TDRD9: variants seen among roughly 807,000 people sequenced by gnomAD.
TDRD9 encodes the protein tudor domain containing 9, also known as ATP-dependent RNA helicase TDRD9.
Under a neutral mutation model 172.6 loss-of-function variants are expected in TDRD9, and 124 were observed. The ratio of observed to expected loss-of-function variants is 0.72; its 90% CI spans 0.62 to 0.83. The LOEUF (loss-of-function observed/expected upper bound fraction) is 0.83, where lower values mean the gene tolerates loss of function less well. TDRD9 is among the 40% of genes least tolerant of loss of function. TDRD9 has a pLI of 0.00. For synonymous variants in TDRD9, 619 were observed against 617.1 expected (o/e 1.00, Z -0.05); for missense variants, 1,479 against 1,714.1 (o/e 0.86, Z 2.42).
intron 7 of TDRD9, among the ~76,000 whole-genome samples, chr14:103,977,923 C>T (rs999349918): frequency 1.3e-5 from 2 of 152,110 alleles, no homozygotes; most frequent in Non-Finnish European, 2.9e-5. Flanking sequence ...ATTGAAGAGA[C>T]TGTTCTTTCT....
At position 103,980,151 on chromosome 14, in the gene TDRD9, G is replaced by A. The variant is rs145487235; in HGVS notation, c.1011+4598G>A. On this transcript the variant is annotated intron_variant, in intron 7 of 35. Coordinates refer to ENST00000409874, the MANE Select transcript of TDRD9 (RefSeq NM_153046.3). The surrounding 1 kb of genome is among the most constrained non-coding windows in gnomAD (Gnocchi z 4.5). The stretch of plus-strand genomic sequence containing the variant: ...ACAGGGTCGGTGGGTTTTTCTCCCC[G>A]TGTGCAGAGATGAGAGATTGTAGAA... Among the ~76,000 whole-genome samples the A allele has an allele frequency of 0.01, 1,584 of 152,162 alleles. 10 individuals carry two copies. The highest frequency in any genetic ancestry group is 0.017 in the Middle Eastern group (5 of 294).
chr14:103,977,157 A>G (rs2033277777), intron 7 of TDRD9, among the ~76,000 whole-genome samples: 1 of 152,134 alleles, frequency 6.6e-6, no homozygotes, highest in African/African-American at 2.4e-5. Flanking sequence ...CCTTCTGTTT[A>G]GAAAAGTCTT....
intron 6 of TDRD9, among the ~76,000 whole-genome samples, chr14:103,974,358 C>A (rs2033152530): frequency 6.6e-6 from 1 of 152,194 alleles, no homozygotes; most frequent in Non-Finnish European, 1.5e-5. Flanking sequence ...TAATCAGCCA[C>A]TTTCTCCTGG....
chr14:104,030,217 G>T (rs1291662337), intron 28 of TDRD9, among the ~76,000 whole-genome samples: 1 of 152,220 alleles, frequency 6.6e-6, no homozygotes, highest in East Asian at 1.9e-4. Context: ...TGTAGACCAG[G>T]TGCAGTGGCT....
Position 103,991,230 on chromosome 14 carries a change from A to G in TDRD9, c.1180+6A>G. Reference sequence around the variant, plus strand: ...TGTGTTGGTGTTTTTGCCAGGTAAGAACATCATAATTTTGTGACTTGGAAT... The same window carrying G: ...TGTGTTGGTGTTTTTGCCAGGTAAGGACATCATAATTTTGTGACTTGGAAT... On this transcript the variant is annotated splice_donor_region_variant and intron_variant, in intron 9 of 35. Transcript: ENST00000409874. The G allele has an allele frequency of 6.2e-7, 1 of 1,613,958 alleles. No individual in the cohort carries two copies. The highest frequency in any genetic ancestry group is 8.5e-7 in the Non-Finnish European group (1 of 1,179,876).
chr14:104,003,373 T>G (rs760732364), intron 13 of TDRD9, among the ~76,000 whole-genome samples: 1 of 152,174 alleles, frequency 6.6e-6, no homozygotes, highest in African/African-American at 2.4e-5. Context: ...AGATAAAAAA[T>G]TTTAATAGTA....
chr14:103,951,143 A>G (rs956250677), intron 1 of TDRD9, among the ~76,000 whole-genome samples: 2 of 152,230 alleles, frequency 1.3e-5, no homozygotes, highest in Non-Finnish European at 2.9e-5. Flanking sequence ...AAACCAACAA[A>G]AAAAATCCAT....
chr14:103,952,408 A>AT (rs2031976222), intron 1 of TDRD9, among the ~76,000 whole-genome samples: 1 of 144,042 alleles, frequency 6.9e-6, no homozygotes, highest in African/African-American at 2.6e-5. Context: ...CCCCTGGCTA[A>AT]TTTTTTGTAT....
chr14:103,942,933 A>G (rs781311168), intron 1 of TDRD9, among the ~76,000 whole-genome samples: 15 of 149,980 alleles, frequency 1.0e-4, no homozygotes, highest in Non-Finnish European at 1.8e-4. Context: ...AATCTCTGAA[A>G]ATATGGTAAT....
Position 104,004,274 on chromosome 14 carries a change from G to T in TDRD9, c.1520G>T (p.Arg507Leu). Residue 507 changes from arginine (R) to leucine (L), a missense_variant, in exon 14 of 36, where the codon CGG (arginine) becomes CTG (leucine). By Grantham distance (102) the Arg-to-Leu change is moderately radical (BLOSUM62 -2). Transcript: ENST00000409874. The stretch of plus-strand genomic sequence containing the variant: ...CGAGTGTCTAGAGGGTACTGTTACC[G>T]GCTGGTACACAAGGATTTCTGGGAC... ...AGRVSRGYCY[R>L]LVHKDFWDNS... 6.2e-7 allele frequency: 1 copy of T among 1,604,440 alleles called. No homozygotes were observed. Among genetic ancestry groups the T allele is most frequent in the African/African-American group, 1.3e-5 (1 of 74,932 alleles).
chr14:103,956,911 T>C (rs1474451119), intron 2 of TDRD9, among the ~76,000 whole-genome samples: 1 of 152,186 alleles, frequency 6.6e-6, no homozygotes. Context: ...TCATCTGTCA[T>C]AGATTTCTGC....
Position 103,952,188 on chromosome 14 carries a change from GTGTATATATATA to G in TDRD9, c.216-3474_216-3463del, listed in dbSNP as rs1267029206. On this transcript the variant is annotated intron_variant, in intron 1 of 35. Transcript: ENST00000409874. ...TGTGTATATATGTGTGTGCGTGTGTGTGTATATATATATATATATATATATATATATATTTTT... is the reference window on the plus strand; with the variant it reads ...TGTGTATATATGTGTGTGCGTGTGTGTATATATATATATATATATATTTTT... Among the ~76,000 whole-genome samples, 358 of 56,736 alleles carry G rather than the reference GTGTATATATATA, an allele frequency of 6.3e-3. 8 individuals are homozygous for G. Among genetic ancestry groups the G allele is most frequent in the African/African-American group, 0.017 (266 of 15,724 alleles). 37.2% of individuals were successfully genotyped at this position (56,736 alleles called of 152,430 possible).
At chr14:103,939,143 C>G (rs1347613527) in intron 1 of TDRD9, among the ~76,000 whole-genome samples, 2 of 152,136 alleles carry the variant, frequency 1.3e-5, no homozygotes. Flanking sequence ...GGATGACCCT[C>G]TCTTGGAAGT....
chr14:103,939,609 C>A lies in TDRD9; in HGVS notation c.215+10885C>A, dbSNP rs569547761. Among the ~76,000 whole-genome samples the A allele has an allele frequency of 2.1e-4, 27 of 130,470 alleles. No homozygotes were observed. In the East Asian group the frequency reaches 6.5e-3, roughly 31 times the overall value. The allele number at this position is 130,470 out of a possible 152,430, so 85.6% of individuals were successfully genotyped here. ...TGCATTACGTGATTGGGATTTAAGACCAAATAGAGGTCAGTTGAAAATGGT... is the reference window on the plus strand; with the variant it reads ...TGCATTACGTGATTGGGATTTAAGAACAAATAGAGGTCAGTTGAAAATGGT... On this transcript the variant is annotated intron_variant, in intron 1 of 35. Transcript: ENST00000409874.
intron 7 of TDRD9, among the ~76,000 whole-genome samples, chr14:103,978,906 T>A (rs1331981408): frequency 6.6e-6 from 1 of 152,200 alleles, no homozygotes; most frequent in Admixed American, 6.5e-5. Context: ...AAACATTTTT[T>A]TGTGTGTGTG....
intron 1 of TDRD9, among the ~76,000 whole-genome samples, chr14:103,932,171 T>G (rs892857377): frequency 1.3e-5 from 2 of 152,340 alleles, no homozygotes; most frequent in African/African-American, 2.4e-5. Flanking sequence ...TGTTTGAAAC[T>G]GCTATGTTTT....
intron 23 of TDRD9, among the ~76,000 whole-genome samples, chr14:104,021,383 A>G (rs1336560122): frequency 6.6e-6 from 1 of 152,186 alleles, no homozygotes; most frequent in Non-Finnish European, 1.5e-5. Context: ...TTGGCAATCA[A>G]TTTATATCAC....
chr14:103,947,705 C>A (rs542073902), intron 1 of TDRD9, among the ~76,000 whole-genome samples: 1 of 152,148 alleles, frequency 6.6e-6, no homozygotes, highest in Non-Finnish European at 1.5e-5. Flanking sequence ...TACTACTTTA[C>A]ACCATATACA....
Position 103,928,605 on chromosome 14 carries a change from C to G in TDRD9, c.96C>G (p.Phe32Leu), listed in dbSNP as rs1206914663. 14 of 1,339,020 alleles carry G rather than the reference C, an allele frequency of 1.0e-5. No individual in the cohort carries two copies. Among genetic ancestry groups the G allele is most frequent in the Non-Finnish European group, 1.3e-5 (13 of 1,026,824 alleles). The allele number at this position is 1,339,020 out of a possible 1,614,324, so 82.9% of individuals were successfully genotyped here. ...AGCTGCTGGGCGCGCCGCCCGCCTTCCCGGCAGGGGCGGCCAGGGAGGAGG... is the reference window on the plus strand; with the variant it reads ...AGCTGCTGGGCGCGCCGCCCGCCTTGCCGGCAGGGGCGGCCAGGGAGGAGG... ...NVELLGAPPA[F>L]PAGAAREEVQ... Residue 32 changes from phenylalanine (F) to leucine (L), a missense_variant, in exon 1 of 36, where the codon TTC (phenylalanine) becomes TTG (leucine). By Grantham distance (22) the Phe-to-Leu change is conservative. Coordinates refer to ENST00000409874, the MANE Select transcript of TDRD9 (RefSeq NM_153046.3).
Sources: allele counts gnomAD v4.1 joint callset (sites outside exome capture counted in the v4.1 genomes callset), GRCh38; gene constraint gnomAD v4.1.1; non-coding constraint Gnocchi (gnomAD v3.1); transcripts MANE v1.5; gene names NCBI Gene and HGNC (gene_info 2026-07-23, HGNC 2026-07-21).